Variants in RIMS1 observed in about 807,000 individuals in gnomAD.
RIMS1 encodes the protein regulating synaptic membrane exocytosis 1, also known as regulating synaptic membrane exocytosis protein 1.
In RIMS1, 83 loss-of-function variants were observed where a neutral mutation model predicts 214.1. That is an observed-to-expected ratio of 0.39 (90% confidence interval 0.32 to 0.47). The LOEUF is 0.47. Among genes scored for constraint, RIMS1 ranks in the 20% least tolerant of loss-of-function variants. RIMS1 has a pLI of 0.99. For missense variants in RIMS1, 2,050 were observed against 2,161.8 expected (o/e 0.95, Z 1.03); for synonymous variants, 793 against 786.8 (o/e 1.01, Z -0.13).
intron 29 of RIMS1, 108 bp from the exon 30 acceptor site, chr6:72,390,490 A>C: frequency 8.0e-7 from 1 of 1,250,692 alleles, no homozygotes; most frequent in Non-Finnish European, 1.1e-6. Context: ...TTTCTGATTA[A>C]ATTTGTAATT....
At chr6:71,899,668 C>T (rs1325192742) in intron 1 of RIMS1, among the ~76,000 whole-genome samples, 1 of 152,092 alleles carries the variant, frequency 6.6e-6, no homozygotes, top group East Asian at 1.9e-4. Flanking sequence ...ACTTGCATTA[C>T]CTTTTGCACC....
chr6:72,336,939 G>T (rs1023040330), intron 29 of RIMS1, among the ~76,000 whole-genome samples: 1 of 151,682 alleles, frequency 6.6e-6, no homozygotes, highest in Non-Finnish European at 1.5e-5. Flanking sequence ...TTCAGATTCT[G>T]CATTGACCAT....
At chr6:71,962,867 G>A (rs1030318223) in intron 1 of RIMS1, among the ~76,000 whole-genome samples, 4 of 151,554 alleles carry the variant, frequency 2.6e-5, no homozygotes, top group Admixed American at 1.3e-4. Context: ...CTTTCTCTAC[G>A]TACCAGATAA....
In RIMS1 at chr6:72,262,003, G is replaced by T. The variant is rs568725201; in HGVS notation, c.3116+1236G>T. ...AATGGTTTATTTACTAATTCTGAAA[G>T]TTTTCTCACACTCCTCTTGATGTGA... On this transcript the variant is annotated intron_variant, in intron 19 of 33. Transcript: ENST00000521978. The T allele has an allele frequency of 5.1e-6, 5 of 984,644 alleles. No individual in the cohort carries two copies. In the African/African-American group the frequency reaches 8.7e-5, roughly 17 times the overall value. The allele number at this position is 984,644 out of a possible 1,614,324, so 61.0% of individuals were successfully genotyped here. A position where few individuals can be genotyped will look rare whatever the true frequency, so the allele number is the denominator to read the frequency against.
intron 2 of RIMS1, among the ~76,000 whole-genome samples, chr6:72,064,969 T>C (rs951578183): frequency 4.6e-5 from 7 of 152,252 alleles, no homozygotes; most frequent in Admixed American, 4.6e-4. Context: ...TAAAATATTG[T>C]TATTCATTTT....
At chr6:72,157,478 T>C (rs2044593476) in intron 4 of RIMS1, among the ~76,000 whole-genome samples, 1 of 140,100 alleles carries the variant, frequency 7.1e-6, no homozygotes, top group Non-Finnish European at 1.6e-5. Flanking sequence ...GAAATCAGAG[T>C]TGTGTGTCTT....
chr6:72,338,644 A>G (rs2096931572), intron 29 of RIMS1, among the ~76,000 whole-genome samples: 1 of 151,984 alleles, frequency 6.6e-6, no homozygotes, highest in South Asian at 2.1e-4. Context: ...CCCCATCAAA[A>G]AGTGGGCGAA....
chr6:71,904,171 C>T (rs576707832), intron 1 of RIMS1, among the ~76,000 whole-genome samples: 4 of 152,212 alleles, frequency 2.6e-5, no homozygotes, highest in East Asian at 1.9e-4. Context: ...AAAGCTCTGA[C>T]CACACTAGTT....
chr6:72,339,058 C>A (rs1260390721), intron 29 of RIMS1, among the ~76,000 whole-genome samples: 2 of 151,700 alleles, frequency 1.3e-5, no homozygotes, highest in Non-Finnish European at 2.9e-5. Context: ...TATCATAGAG[C>A]AAATCACATA....
At chr6:72,089,396 G>C (rs975829063) in intron 2 of RIMS1, among the ~76,000 whole-genome samples, 1 of 152,106 alleles carries the variant, frequency 6.6e-6, no homozygotes, top group Non-Finnish European at 1.5e-5. Flanking sequence ...CATTTGGACA[G>C]TAGGTTTCTG....
chr6:72,191,639 T>G (rs993876092), intron 6 of RIMS1, among the ~76,000 whole-genome samples: 10 of 152,226 alleles, frequency 6.6e-5, no homozygotes, highest in African/African-American at 2.4e-4. Flanking sequence ...GAAGGCAAAT[T>G]GCTTTTGATG....
intron 2 of RIMS1, among the ~76,000 whole-genome samples, chr6:72,041,613 G>A (rs1285988814): frequency 5.3e-5 from 8 of 151,772 alleles, no homozygotes; most frequent in African/African-American, 1.7e-4. Context: ...CTAATAAGAC[G>A]TGGCCTCACT....
At chr6:71,952,751 C>A (rs1199258178) in intron 1 of RIMS1, among the ~76,000 whole-genome samples, 1 of 152,126 alleles carries the variant, frequency 6.6e-6, no homozygotes, top group Non-Finnish European at 1.5e-5. Flanking sequence ...TCTCAGGGCA[C>A]AGCGTTTATT....
At chr6:71,977,177 A>G (rs1394706245) in intron 2 of RIMS1, among the ~76,000 whole-genome samples, 1 of 152,184 alleles carries the variant, frequency 6.6e-6, no homozygotes, top group Non-Finnish European at 1.5e-5. Flanking sequence ...GAAAGACCCT[A>G]TAAACATTGG....
intron 27 of RIMS1, among the ~76,000 whole-genome samples, chr6:72,312,421 A>G (rs1373727624): frequency 6.6e-6 from 1 of 151,912 alleles, no homozygotes; most frequent in African/African-American, 2.4e-5. Flanking sequence ...CAATTATAAC[A>G]TATATAAAAA....
intron 4 of RIMS1, among the ~76,000 whole-genome samples, chr6:72,108,671 A>G (rs1195323309): frequency 6.6e-6 from 1 of 151,888 alleles, no homozygotes; most frequent in Admixed American, 6.6e-5. Context: ...AAACTTTAAA[A>G]CTAAAGTTTC....
intron 29 of RIMS1, among the ~76,000 whole-genome samples, chr6:72,361,969 C>CTGTATTGTAT (rs71540338): frequency 0.056 from 8,292 of 146,776 alleles, 229 homozygotes; most frequent in Non-Finnish European, 0.059. Context: ...AGGACCATTA[C>CTGTATTGTAT]TGTATTGTAT....
At chr6:72,374,741 G>T (rs762662329) in intron 29 of RIMS1, among the ~76,000 whole-genome samples, 8 of 152,152 alleles carry the variant, frequency 5.3e-5, no homozygotes, top group Non-Finnish European at 1.0e-4. Flanking sequence ...GATGATTAAA[G>T]TGCATTACTT....
chr6:72,341,080 T>C (rs185883249), intron 29 of RIMS1, among the ~76,000 whole-genome samples: 3,100 of 152,152 alleles, frequency 0.02, 70 homozygotes, highest in African/African-American at 0.056. Context: ...TTTGGCTCTC[T>C]GTTTGTCTGT....
Sources: gnomAD v4.1 joint callset for allele counts (sites outside exome capture counted in the v4.1 genomes callset) on GRCh38, gnomAD v4.1.1 for gene constraint, MANE v1.5 for transcripts, NCBI Gene and HGNC (gene_info 2026-07-23, HGNC 2026-07-21) for gene names.